Variants in KCNH1 observed in about 807,000 individuals in gnomAD.
KCNH1 encodes the protein potassium voltage-gated channel subfamily H member 1, also known as voltage-gated delayed rectifier potassium channel KCNH1.
Under a neutral mutation model 69.2 loss-of-function variants are expected in KCNH1, and 27 were observed. The observed-to-expected ratio is 0.39, with a 90% CI of 0.29 to 0.54. The LOEUF (loss-of-function observed/expected upper bound fraction) is 0.54, where lower values mean the gene tolerates loss of function less well. Among genes scored for constraint, KCNH1 ranks in the 20% least tolerant of loss-of-function variants. The probability of loss-of-function intolerance (pLI) is 0.68; values close to 1 mark genes in which losing one functional copy is unlikely to be tolerated. For missense variants in KCNH1, 798 were observed against 1,261.6 expected, an observed-to-expected ratio of 0.63 and a Z score of 5.57; for synonymous variants, 456 against 487.7, an observed-to-expected ratio of 0.93 and a Z score of 0.86.
At chr1:210,840,388 A>T (rs1183504767) in intron 7 of KCNH1, among the ~76,000 whole-genome samples, 2 of 152,226 alleles carry the variant, frequency 1.3e-5, no homozygotes, top group African/African-American at 4.8e-5. Flanking sequence ...AAAATATATC[A>T]TGAGGCAAAA....
rs114708630 is a variant in KCNH1 at position 211,049,271 on chromosome 1, C to A, written c.559-30015G>T. Among the ~76,000 whole-genome samples the A allele has an allele frequency of 7.7e-3, 1,174 of 152,212 alleles. 20 individuals carry two copies. Among genetic ancestry groups the A allele is most frequent in the African/African-American group, 0.027 (1,112 of 41,524 alleles). On this transcript the variant is annotated intron_variant, in intron 5 of 10. Transcript: ENST00000271751. ...TTTAACAACAAGGGAAAAGAGAAAACAAATTGACTTAGGTGGTCAGAAAAG... is the reference window on the plus strand; with the variant it reads ...TTTAACAACAAGGGAAAAGAGAAAAAAAATTGACTTAGGTGGTCAGAAAAG...
At chr1:210,861,910 C>T (rs1182840149) in intron 7 of KCNH1, 9 of 770,062 alleles carry the variant, frequency 1.2e-5, no homozygotes, top group Admixed American at 1.7e-5. Context: ...AATGGCAGTC[C>T]AGCAGCTTGG....
In KCNH1 at chr1:211,090,345, A is replaced by T. The variant is rs1691030900; in HGVS notation, c.439+217T>A. On this transcript the variant is annotated intron_variant, in intron 4 of 10. Transcript: ENST00000271751. ...AAAGGGTTAATTATTAAAGGTATGA[A>T]ATTGATTCAAATGCTTTCCTAAACA... 2.6e-5 allele frequency among the ~76,000 whole-genome samples: 4 copies of T among 152,192 alleles called. 1 individual carries two copies. Among genetic ancestry groups the T allele is most frequent in the Admixed American group, 2.0e-4 (3 of 15,282 alleles).
chr1:210,975,180 A>C (rs752371324), intron 6 of KCNH1, among the ~76,000 whole-genome samples: 1 of 152,176 alleles, frequency 6.6e-6, no homozygotes, highest in Non-Finnish European at 1.5e-5. Flanking sequence ...TCTTTATTAG[A>C]AATGTCTTTA....
chr1:210,726,816 T>G (rs201764042), intron 10 of KCNH1, among the ~76,000 whole-genome samples: 4,757 of 140,580 alleles, frequency 0.034, 239 homozygotes, highest in African/African-American at 0.12. Context: ...CCGGCGGGGG[T>G]GGGGTGGACT....
intron 7 of KCNH1, among the ~76,000 whole-genome samples, chr1:210,899,486 A>C (rs1326365163): frequency 8.8e-6 from 1 of 113,914 alleles, no homozygotes; most frequent in African/African-American, 5.0e-5. Context: ...TATCTCACTT[A>C]TGAGATATAT....
At chr1:210,794,649 G>C (rs1684272665) in intron 9 of KCNH1, among the ~76,000 whole-genome samples, 1 of 152,174 alleles carries the variant, frequency 6.6e-6, no homozygotes. Context: ...CTAAGTCTAG[G>C]TGTTCAAACC....
At chr1:210,963,404 C>T (rs1688335550) in intron 6 of KCNH1, among the ~76,000 whole-genome samples, 1 of 152,042 alleles carries the variant, frequency 6.6e-6, no homozygotes, top group Non-Finnish European at 1.5e-5. Context: ...CAACTCCTCA[C>T]CAGCGAGGGA....
chr1:210,788,988 G>A (rs1426482134), intron 9 of KCNH1, among the ~76,000 whole-genome samples: 3 of 148,954 alleles, frequency 2.0e-5, no homozygotes, highest in African/African-American at 7.8e-5. Context: ...GAGCCACCGC[G>A]CCCGGCCTAT....
chr1:210,863,175 C>T (rs959763340), intron 7 of KCNH1, among the ~76,000 whole-genome samples: 2 of 152,182 alleles, frequency 1.3e-5, no homozygotes, highest in Admixed American at 1.3e-4. Context: ...AGCAGAAAGG[C>T]TTGGTCTGCT....
rs57669878 is a variant in KCNH1, at chr1:210,738,552, CTTTTTTTTTTTT to C, written c.2112+36784_2112+36795del. ...CTGTATTCCTGGCTTGGCTTTTTTGCTTTTTTTTTTTTTTTTTTTTTTTTTTTTTCTGAGACA... is the reference window on the plus strand; with the variant it reads ...CTGTATTCCTGGCTTGGCTTTTTTGCTTTTTTTTTTTTTTTTTCTGAGACA... On this transcript the variant is annotated intron_variant, in intron 10 of 10. Transcript: ENST00000271751. 6.7e-4 allele frequency among the ~76,000 whole-genome samples: 33 copies of C among 49,150 alleles called. 1 individual carries two copies. The highest frequency in any genetic ancestry group is 4.3e-3 in the South Asian group (5 of 1,150). The allele number at this position is 49,150 out of a possible 152,430, so 32.2% of individuals were successfully genotyped here.
At chr1:210,980,565 G>A (rs1373618783) in intron 6 of KCNH1, among the ~76,000 whole-genome samples, 1 of 152,168 alleles carries the variant, frequency 6.6e-6, no homozygotes, top group Non-Finnish European at 1.5e-5. Flanking sequence ...TATAGAAATA[G>A]CATATGCAAA....
At chr1:211,102,863 T>C (rs1487671302) in intron 3 of KCNH1, among the ~76,000 whole-genome samples, 1 of 152,208 alleles carries the variant, frequency 6.6e-6, no homozygotes. Flanking sequence ...TTAACACCCA[T>C]GCAGCCTTGC....
intron 10 of KCNH1, among the ~76,000 whole-genome samples, chr1:210,713,947 C>G (rs913813584): frequency 6.6e-6 from 1 of 152,206 alleles, no homozygotes; most frequent in Admixed American, 6.5e-5. Flanking sequence ...CTAGGGTTCA[C>G]ATATTATCCT....
At chr1:210,913,495 A>C (rs1236693156) in intron 7 of KCNH1, among the ~76,000 whole-genome samples, 1 of 152,200 alleles carries the variant, frequency 6.6e-6, no homozygotes, top group African/African-American at 2.4e-5. Context: ...GTTATACATC[A>C]TTATCTCATT....
chr1:211,002,732 G>T (rs1416267649), intron 6 of KCNH1, among the ~76,000 whole-genome samples: 1 of 152,092 alleles, frequency 6.6e-6, no homozygotes, highest in Non-Finnish European at 1.5e-5. Flanking sequence ...AGAGTATCAG[G>T]AAACTGGGAG....
intron 7 of KCNH1, among the ~76,000 whole-genome samples, chr1:210,867,197 TG>T (rs1320968119): frequency 1.3e-5 from 2 of 151,904 alleles, no homozygotes; most frequent in African/African-American, 4.8e-5. Flanking sequence ...ATAGTGGTGA[TG>T]GTTGCACAAC....
chr1:210,856,898 T>TATATATATATATATATAAAA (rs1410330503), intron 7 of KCNH1, among the ~76,000 whole-genome samples: 7 of 121,690 alleles, frequency 5.8e-5, no homozygotes, highest in African/African-American at 1.9e-4. Flanking sequence ...TATATATATA[T>TATATATATATATATATAAAA]AAAATACTCA....
At chr1:211,018,735 C>T in intron 6 of KCNH1, 48 bp downstream of exon 6, 1 of 1,437,660 alleles carries the variant, frequency 7.0e-7, no homozygotes, top group South Asian at 1.3e-5. Flanking sequence ...CCACATTTAA[C>T]TCAGTTTTAA....
Sources: gnomAD v4.1 joint callset for allele counts (sites outside exome capture counted in the v4.1 genomes callset) on GRCh38, gnomAD v4.1.1 for gene constraint, MANE v1.5 for transcripts, NCBI Gene and HGNC (gene_info 2026-07-23, HGNC 2026-07-21) for gene names.